The following CACNA2D1 variants were observed in gnomAD, a reference collection of about 807,000 sequenced individuals.
The protein encoded by CACNA2D1 is calcium voltage-gated channel auxiliary subunit alpha2delta 1.
A neutral mutation model predicts 171.5 loss-of-function variants in CACNA2D1; 53 were observed. The ratio of observed to expected loss-of-function variants is 0.31; its 90% CI spans 0.25 to 0.39. CACNA2D1 has a LOEUF of 0.39. CACNA2D1 is among the 10% of genes least tolerant of loss of function. CACNA2D1 has a pLI of 1.00. For synonymous variants in CACNA2D1, 442 were observed against 443.1 expected (o/e 1.00, Z 0.03); for missense variants, 903 against 1,299.8 (o/e 0.69, Z 4.69).
chr7:82,129,136 T>G, intron 5 of CACNA2D1, among the ~76,000 whole-genome samples: 1 of 152,218 alleles, frequency 6.6e-6, no homozygotes, highest in East Asian at 1.9e-4. Context: ...CATAAAACTC[T>G]ATTCTAGGCC....
intron 3 of CACNA2D1, among the ~76,000 whole-genome samples, chr7:82,302,009 C>T (rs1174612539): frequency 6.6e-6 from 1 of 152,132 alleles, no homozygotes; most frequent in Non-Finnish European, 1.5e-5. Context: ...ATTCACCCAC[C>T]TCAGCCTCCC....
At chr7:82,123,378 C>T (rs934588097) in intron 5 of CACNA2D1, among the ~76,000 whole-genome samples, 16 of 152,142 alleles carry the variant, frequency 1.1e-4, no homozygotes, top group African/African-American at 3.4e-4. Flanking sequence ...ACATCACCCA[C>T]GTTTTATTTT....
intron 21 of CACNA2D1, among the ~76,000 whole-genome samples, chr7:81,986,112 T>C (rs1046703083): frequency 2.0e-5 from 3 of 152,242 alleles, no homozygotes; most frequent in East Asian, 3.8e-4. Context: ...AACTTTTCCA[T>C]ATCCACATGT....
intron 3 of CACNA2D1, among the ~76,000 whole-genome samples, chr7:82,276,876 G>C (rs1392554247): frequency 6.6e-6 from 1 of 151,074 alleles, no homozygotes; most frequent in African/African-American, 2.4e-5. Flanking sequence ...AGCCTCCCAA[G>C]TAGCTTGGAC....
In CACNA2D1 at chr7:81,998,034, G is replaced by C. The variant is rs543021031; in HGVS notation, c.1591-784C>G. 2.6e-5 allele frequency among the ~76,000 whole-genome samples: 4 copies of C among 151,924 alleles called. No homozygotes were observed. In the South Asian group the frequency reaches 8.3e-4, roughly 32 times the overall value. On this transcript the variant is annotated intron_variant, in intron 18 of 38. Coordinates refer to ENST00000356860, the MANE Select transcript of CACNA2D1 (RefSeq NM_000722.4). ...ATTTATTCATATCATTATATAAAAT[G>C]ATACTGTTAGTCTGGCAAATTTACC... is the stretch of plus-strand genomic sequence containing the variant.
chr7:82,084,614 G>A (rs1041593915), intron 7 of CACNA2D1, among the ~76,000 whole-genome samples, 155 bp downstream of exon 7: 2 of 152,060 alleles, frequency 1.3e-5, no homozygotes, highest in Admixed American at 1.3e-4. Context: ...AAGTGACTGT[G>A]GTCAATCCAA....
intron 3 of CACNA2D1, among the ~76,000 whole-genome samples, chr7:82,173,769 C>T (rs1396942763): frequency 6.6e-6 from 1 of 151,928 alleles, no homozygotes; most frequent in African/African-American, 2.4e-5. Context: ...AAAGGCCAGG[C>T]ACATGGCTCA....
chr7:82,364,414 A>G (rs1821447125), intron 1 of CACNA2D1, among the ~76,000 whole-genome samples: 1 of 152,196 alleles, frequency 6.6e-6, no homozygotes, highest in Admixed American at 6.5e-5. Context: ...ATATAAAGGT[A>G]AAAGCCCTGA....
At chr7:82,387,231 T>A (rs1169562079) in intron 1 of CACNA2D1, among the ~76,000 whole-genome samples, 2 of 152,172 alleles carry the variant, frequency 1.3e-5, no homozygotes, top group Non-Finnish European at 2.9e-5. Context: ...TAGAAAATAG[T>A]ACTAACAAAG....
chr7:82,246,620 G>A (rs917999696), intron 3 of CACNA2D1, among the ~76,000 whole-genome samples: 6 of 152,056 alleles, frequency 3.9e-5, no homozygotes, highest in African/African-American at 9.7e-5. Flanking sequence ...GGGGCTAAGA[G>A]AAGAAACTTT....
intron 3 of CACNA2D1, among the ~76,000 whole-genome samples, chr7:82,279,714 A>C (rs1245038193): frequency 1.3e-5 from 2 of 152,182 alleles, no homozygotes; most frequent in East Asian, 3.8e-4. Context: ...CTCCTTTAAT[A>C]GTTCCTTTTA....
chr7:82,374,788 C>G (rs201355460), intron 1 of CACNA2D1, among the ~76,000 whole-genome samples: 1 of 22,566 alleles, frequency 4.4e-5, no homozygotes, highest in Non-Finnish European at 1.5e-4. Context: ...AAAAATGCCC[C>G]CCAAAAAAAG....
Position 82,083,809 on chromosome 7 carries a change from T to G in CACNA2D1, c.658+960A>C, listed in dbSNP as rs150561187. Among the ~76,000 whole-genome samples the G allele has an allele frequency of 2.8e-3, 428 of 152,282 alleles. 3 individuals carry two copies. Among genetic ancestry groups the G allele is most frequent in the African/African-American group, 9.6e-3 (401 of 41,572 alleles). On this transcript the variant is annotated intron_variant, in intron 7 of 38. Coordinates refer to ENST00000356860, the MANE Select transcript of CACNA2D1 (RefSeq NM_000722.4). ...CAGATACTTTCATTCATTGCTATAA[T>G]ATTACAATCCAAACTTATATATTTT...
Position 82,366,903 on chromosome 7 carries a change from CTT to C in CACNA2D1, c.96-17256_96-17255del, listed in dbSNP as rs71093376. ...CCTGCCAGCATCCACTGGTTTTGAC[CTT>C]TTTTTTTTTTTTTTTTTTTTTGACG... On this transcript the variant is annotated intron_variant, in intron 1 of 38. Transcript: ENST00000356860. 5.5e-4 allele frequency among the ~76,000 whole-genome samples: 48 copies of C among 86,966 alleles called. 2 individuals carry two copies. The highest frequency in any genetic ancestry group is 2.3e-4 in the African/African-American group (6 of 25,950). 57.1% of individuals were successfully genotyped at this position (86,966 alleles called of 152,430 possible).
At chr7:82,162,406 A>G (rs1177578482) in intron 4 of CACNA2D1, among the ~76,000 whole-genome samples, 1 of 152,036 alleles carries the variant, frequency 6.6e-6, no homozygotes, top group African/African-American at 2.4e-5. Flanking sequence ...AAAGAAATCC[A>G]CGGCTAGGCT....
intron 10 of CACNA2D1, among the ~76,000 whole-genome samples, chr7:82,042,432 G>C (rs1046049819): frequency 5.9e-5 from 9 of 152,140 alleles, no homozygotes; most frequent in African/African-American, 2.2e-4. Flanking sequence ...GATTGAAGGA[G>C]CTCTGATTTT....
Position 82,060,316 on chromosome 7 carries a change from A to G in CACNA2D1, c.879+112T>C, listed in dbSNP as rs999602434. On this transcript the variant is annotated intron_variant, in intron 10 of 38. Transcript: ENST00000356860. ...GACAGGTCAGTAAGATAGTCTTGCA[A>G]TATATCAAAAATGTCTCAGCCTCTA... The G allele has an allele frequency of 7.2e-5, 49 of 680,066 alleles. No homozygotes were observed. In the African/African-American group the frequency reaches 8.2e-4, roughly 11 times the overall value. 42.1% of individuals were successfully genotyped at this position (680,066 alleles called of 1,614,324 possible).
chr7:82,105,701 G>A (rs1239758377), intron 6 of CACNA2D1, among the ~76,000 whole-genome samples: 2 of 152,042 alleles, frequency 1.3e-5, no homozygotes, highest in African/African-American at 4.8e-5. Flanking sequence ...GAGGGACGAT[G>A]ATTACTAAGG....
chr7:82,111,377 CAT>C (rs112816363), intron 6 of CACNA2D1, among the ~76,000 whole-genome samples: 8,127 of 81,884 alleles, frequency 0.099, 474 homozygotes, highest in South Asian at 0.17. Flanking sequence ...TATATATATT[CAT>C]ATATGTGTAT....
Sources: gnomAD v4.1 joint callset for allele counts (sites outside exome capture counted in the v4.1 genomes callset) on GRCh38, gnomAD v4.1.1 for gene constraint, MANE v1.5 for transcripts, NCBI Gene and HGNC (gene_info 2026-07-23, HGNC 2026-07-21) for gene names.